The following MARCHF4 variants were observed in gnomAD, a reference collection of about 807,000 sequenced individuals.
The protein encoded by MARCHF4 is E3 ubiquitin-protein ligase MARCHF4.
Under a neutral mutation model 43.9 loss-of-function variants are expected in MARCHF4, and 14 were observed. That is an observed-to-expected ratio of 0.32 (90% confidence interval 0.21 to 0.50). The LOEUF (loss-of-function observed/expected upper bound fraction) is 0.50, where lower values mean the gene tolerates loss of function less well. Ranked by LOEUF, MARCHF4 falls within the 20% of genes least tolerant of loss-of-function variation. The pLI is 0.98. For missense variants in MARCHF4, 468 were observed against 536.7 expected, an observed-to-expected ratio of 0.87 and a Z score of 1.27; for synonymous variants, 226 against 213.3, an observed-to-expected ratio of 1.06 and a Z score of -0.52.
At chr2:216,300,818 G>A (rs1031405695) in intron 1 of MARCHF4, among the ~76,000 whole-genome samples, 1 of 152,008 alleles carries the variant, frequency 6.6e-6, no homozygotes, top group African/African-American at 2.4e-5. Flanking sequence ...GGAATCAAAG[G>A]GTATCTCTTC....
At chr2:216,302,891 C>G (rs1691513483) in intron 1 of MARCHF4, among the ~76,000 whole-genome samples, 1 of 111,512 alleles carries the variant, frequency 9.0e-6, no homozygotes, top group African/African-American at 4.2e-5. Flanking sequence ...AGGTGAGACT[C>G]TGTATCAAAA....
chr2:216,315,703 C>T (rs1235525168), intron 1 of MARCHF4, among the ~76,000 whole-genome samples: 2 of 152,028 alleles, frequency 1.3e-5, no homozygotes, highest in African/African-American at 4.8e-5. Flanking sequence ...TAGAAATGTC[C>T]GTAAAATGTT....
At chr2:216,318,942 T>C (rs1691831719) in intron 1 of MARCHF4, among the ~76,000 whole-genome samples, 1 of 152,140 alleles carries the variant, frequency 6.6e-6, no homozygotes, top group Non-Finnish European at 1.5e-5. Context: ...GGATTTTCTT[T>C]TCTTTTTTCA....
intron 1 of MARCHF4, among the ~76,000 whole-genome samples, chr2:216,302,536 A>C (rs749199428): frequency 1.3e-5 from 2 of 151,886 alleles, no homozygotes; most frequent in Non-Finnish European, 2.9e-5. Flanking sequence ...CTATTTTCAA[A>C]TTTTTATTGA....
chr2:216,287,098 A>G (rs1467572461), intron 1 of MARCHF4, among the ~76,000 whole-genome samples: 6 of 152,094 alleles, frequency 3.9e-5, no homozygotes, highest in Admixed American at 3.3e-4. Context: ...TGTGCCTGTA[A>G]GTCTCCCCTT....
At chr2:216,301,337 G>A (rs185815546) in intron 1 of MARCHF4, among the ~76,000 whole-genome samples, 11 of 152,308 alleles carry the variant, frequency 7.2e-5, no homozygotes, top group East Asian at 1.9e-4. Context: ...ACACTTGGGC[G>A]ATTAGTACTG....
At chr2:216,368,445 C>T (rs576194397) in intron 1 of MARCHF4, among the ~76,000 whole-genome samples, 2 of 152,334 alleles carry the variant, frequency 1.3e-5, no homozygotes, top group Non-Finnish European at 2.9e-5. Context: ...CTCTCAGAGA[C>T]ATTTATTCAC....
chr2:216,316,207 C>T (rs2105959674), intron 1 of MARCHF4, among the ~76,000 whole-genome samples: 1 of 152,352 alleles, frequency 6.6e-6, no homozygotes, highest in Non-Finnish European at 1.5e-5. Context: ...AGTCCTTCCG[C>T]CTTCGAGGCT....
intron 3 of MARCHF4, among the ~76,000 whole-genome samples, chr2:216,277,090 T>C (rs1413632208): frequency 6.6e-6 from 1 of 152,168 alleles, no homozygotes; most frequent in Admixed American, 6.5e-5. Context: ...TTGAAGCCTC[T>C]CTGTGCGGCA....
At chr2:216,361,517 A>C (rs1692578930) in intron 1 of MARCHF4, among the ~76,000 whole-genome samples, 1 of 152,112 alleles carries the variant, frequency 6.6e-6, no homozygotes, top group Non-Finnish European at 1.5e-5. Context: ...AAGTCCAGGA[A>C]AGTGTCTTTC....
chr2:216,322,064 G>T (rs1414219318), intron 1 of MARCHF4, among the ~76,000 whole-genome samples: 2 of 152,198 alleles, frequency 1.3e-5, no homozygotes, highest in Non-Finnish European at 2.9e-5. Context: ...CTGACCGCAA[G>T]CATTGTGCAC....
intron 2 of MARCHF4, among the ~76,000 whole-genome samples, chr2:216,283,226 CTTCCT>C (rs746552881): frequency 1.8e-4 from 28 of 151,586 alleles, no homozygotes; most frequent in Non-Finnish European, 3.4e-4. Flanking sequence ...TCCTTCGTTT[CTTCCT>C]TTCCTTTCCT....
intron 3 of MARCHF4, among the ~76,000 whole-genome samples, chr2:216,270,298 A>G (rs1182018089): frequency 6.6e-6 from 1 of 151,302 alleles, no homozygotes; most frequent in East Asian, 1.9e-4. Flanking sequence ...CTGGTCTTGA[A>G]CTCCTTGTTT....
chr2:216,369,840 T>C lies in MARCHF4; in HGVS notation c.421A>G (p.Lys141Glu). The change falls in exon 1 of 4, where the codon AAG becomes GAG. Residue 141 changes from lysine to glutamate, a missense_variant. Around this residue, in one of 3 missense-constraint regions of MARCHF4, gnomAD observed 158 missense variants for 251.1 expected, o/e 0.63. Transcript: ENST00000273067. ...LSSASSDDFC[K>E]EKTEDRYSLG... is the part of the protein sequence containing the mutation. ...GAGTAGCGATCCTCGGTCTTCTCCT[T>C]ACAGAAGTCATCTGAGGAGGCACTG... 6.2e-7 allele frequency: 1 copy of C among 1,614,038 alleles called. No homozygotes were observed. Among genetic ancestry groups the C allele is most frequent in the South Asian group, 1.1e-5 (1 of 91,076 alleles).
intron 1 of MARCHF4, among the ~76,000 whole-genome samples, chr2:216,333,992 T>C (rs1364627837): frequency 6.6e-6 from 1 of 151,306 alleles, no homozygotes; most frequent in African/African-American, 2.4e-5. Flanking sequence ...TGATACCTAA[T>C]GTTGGCTTGA....
At chr2:216,361,153 C>T (rs150801793) in intron 1 of MARCHF4, among the ~76,000 whole-genome samples, 152 of 152,188 alleles carry the variant, frequency 1.0e-3, no homozygotes, top group African/African-American at 3.5e-3. Flanking sequence ...TAAAATAGTG[C>T]ATGTCCAAAG....
At chr2:216,273,192 G>A (rs959651900) in intron 3 of MARCHF4, among the ~76,000 whole-genome samples, 3 of 152,174 alleles carry the variant, frequency 2.0e-5, no homozygotes, top group African/African-American at 7.2e-5. Context: ...TCAGCACACC[G>A]CTCCAAAAGG....
chr2:216,276,483 C>G (rs1338723250), intron 3 of MARCHF4, among the ~76,000 whole-genome samples: 1 of 152,230 alleles, frequency 6.6e-6, no homozygotes, highest in East Asian at 1.9e-4. Context: ...TGTGGAGAGA[C>G]AGCAAGATGG....
At chr2:216,330,825 T>C (rs1219732610) in intron 1 of MARCHF4, among the ~76,000 whole-genome samples, 1 of 152,064 alleles carries the variant, frequency 6.6e-6, no homozygotes, top group Non-Finnish European at 1.5e-5. Flanking sequence ...ATCAAAAATG[T>C]GTGATGCAAT....
Sources: gnomAD v4.1 joint callset for allele counts (sites outside exome capture counted in the v4.1 genomes callset) on GRCh38, gnomAD v4.1.1 for gene constraint, gnomAD v4.1.1 regional missense constraint, MANE v1.5 for transcripts, NCBI Gene and HGNC (gene_info 2026-07-23, HGNC 2026-07-21) for gene names.